Variants in PTPN1 observed in about 807,000 individuals in gnomAD.
PTPN1 encodes the protein tyrosine-protein phosphatase non-receptor type 1.
PTPN1 carries 12 observed loss-of-function variants against 59.9 expected under a neutral mutation model. The ratio of observed to expected loss-of-function variants is 0.20; its 90% CI spans 0.13 to 0.32. The LOEUF is 0.32. Ranked by LOEUF, PTPN1 falls within the 10% of genes least tolerant of loss-of-function variation. PTPN1 has a pLI of 1.00. For synonymous variants in PTPN1, 178 were observed against 203.6 expected (o/e 0.87, Z 1.07); for missense variants, 356 against 549.2 (o/e 0.65, Z 3.52).
Position 50,568,573 on chromosome 20 carries a change from T to G in PTPN1, c.354+95T>G. 1 of 1,022,006 alleles carries G rather than the reference T, an allele frequency of 9.8e-7. No individual in the cohort carries two copies. Among genetic ancestry groups the G allele is most frequent in the Non-Finnish European group, 1.5e-6 (1 of 664,590 alleles). 63.3% of individuals were successfully genotyped at this position (1,022,006 alleles called of 1,614,324 possible). A position where few individuals can be genotyped will look rare whatever the true frequency, so the allele number is the denominator to read the frequency against. On this transcript the variant is annotated intron_variant, in intron 4 of 9. Transcript: ENST00000371621. This position sits in a 1 kb window ranked among gnomAD's most constrained non-coding sequence, Gnocchi z 5.6. ...AGATTTTTAAATTATTTTTCTTGCC[T>G]TTGTATTTCCTTTACGTAGTATTTT...
In PTPN1 at chr20:50,510,555, A is replaced by C; in HGVS notation, c.28A>C (p.Ile10Leu). Reference sequence around the variant, plus strand: ...GGAGATGGAAAAGGAGTTCGAGCAGATCGACAAGTCCGGGAGCTGGGCGGC... The same window carrying C: ...GGAGATGGAAAAGGAGTTCGAGCAGCTCGACAAGTCCGGGAGCTGGGCGGC... MEMEKEFEQ[I>L]DKSGSWAAIY... Residue 10 changes from isoleucine (I) to leucine (L), a missense_variant, in exon 1 of 10, where the codon ATC becomes CTC. Coordinates refer to ENST00000371621, the MANE Select transcript of PTPN1 (RefSeq NM_002827.4). 5.2e-6 allele frequency: 8 copies of C among 1,550,840 alleles called. No individual in the cohort carries two copies. The highest frequency in any genetic ancestry group is 7.0e-6 in the Non-Finnish European group (8 of 1,146,654).
In PTPN1 at chr20:50,568,505, A is replaced by AT; in HGVS notation, c.354+28dup. On this transcript the variant is annotated intron_variant, in intron 4 of 9. Coordinates refer to ENST00000371621, the MANE Select transcript of PTPN1 (RefSeq NM_002827.4). This position sits in a 1 kb window ranked among gnomAD's most constrained non-coding sequence, Gnocchi z 5.6. ...TAAGTCTCGGCTTCATTTGCTGTGT[A>AT]TGTGATCATGCATACCACTCCATAT... The AT allele has an allele frequency of 6.4e-7, 1 of 1,553,876 alleles. No individual in the cohort carries two copies. The highest frequency in any genetic ancestry group is 8.9e-7 in the Non-Finnish European group (1 of 1,125,296).
intron 1 of PTPN1, among the ~76,000 whole-genome samples, chr20:50,539,943 A>G (rs2082642855): frequency 6.6e-6 from 1 of 151,386 alleles, no homozygotes; most frequent in Non-Finnish European, 1.5e-5. Flanking sequence ...CGTCTGGTAC[A>G]TTGCTTGGGT....
At chr20:50,574,417 C>CT (rs2082825990) in intron 4 of PTPN1, 100 bp from the exon 5 acceptor site, 1 of 1,252,860 alleles carries the variant, frequency 8.0e-7, no homozygotes, top group Non-Finnish European at 1.1e-6. Context: ...ACCCCCAGGC[C>CT]TTTGAGTTAT....
chr20:50,521,329 CT>C (rs2082549936), intron 1 of PTPN1, among the ~76,000 whole-genome samples: 1 of 152,232 alleles, frequency 6.6e-6, no homozygotes, highest in African/African-American at 2.4e-5. Context: ...CCACTAATAG[CT>C]AACATTTATT....
chr20:50,561,869 G>T (rs1277444521), intron 2 of PTPN1, among the ~76,000 whole-genome samples: 2 of 152,158 alleles, frequency 1.3e-5, no homozygotes, highest in African/African-American at 2.4e-5. Flanking sequence ...GTCGTCCCCT[G>T]CGCTGAATAT....
chr20:50,533,981 A>G (rs2082612874), intron 1 of PTPN1, among the ~76,000 whole-genome samples: 1 of 152,188 alleles, frequency 6.6e-6, no homozygotes, highest in Admixed American at 6.5e-5. Context: ...CCCAGGCTAA[A>G]GTGCAATGGC....
chr20:50,538,105 T>C (rs1450522598), intron 1 of PTPN1, among the ~76,000 whole-genome samples: 1 of 151,962 alleles, frequency 6.6e-6, no homozygotes, highest in Non-Finnish European at 1.5e-5. Context: ...GGTACATAGG[T>C]GGTCAGTTGA....
In PTPN1 at chr20:50,582,342, G is replaced by A. The variant is rs553316717; in HGVS notation, c.1285-350G>A. On this transcript the variant is annotated intron_variant, in intron 9 of 9. Transcript: ENST00000371621. This position sits in a 1 kb window ranked among gnomAD's most constrained non-coding sequence, Gnocchi z 4.2. ...CCTCATTGGGAGAAGTGCCATTTCA[G>A]CAGAAATTCACACGTTAGACGTGTG... is the stretch of plus-strand genomic sequence containing the variant. 2.9e-4 allele frequency among the ~76,000 whole-genome samples: 44 copies of A among 152,384 alleles called. No homozygotes were observed. The highest frequency in any genetic ancestry group is 9.9e-4 in the African/African-American group (41 of 41,598).
chr20:50,529,429 T>C (rs976941745), intron 1 of PTPN1, among the ~76,000 whole-genome samples: 2 of 152,168 alleles, frequency 1.3e-5, no homozygotes, highest in South Asian at 2.1e-4. Flanking sequence ...TGGATGACAA[T>C]GGGAGGAGCA....
chr20:50,543,791 A>G (rs1246547390), intron 1 of PTPN1, among the ~76,000 whole-genome samples: 1 of 152,248 alleles, frequency 6.6e-6, no homozygotes, highest in Non-Finnish European at 1.5e-5. Context: ...AGAAGCAATA[A>G]AGGAAATTGC....
chr20:50,532,403 A>G (rs1159304313), intron 1 of PTPN1, among the ~76,000 whole-genome samples: 11 of 152,192 alleles, frequency 7.2e-5, no homozygotes, highest in African/African-American at 2.7e-4. Flanking sequence ...TTTGGCTGAC[A>G]TAGAGTCAAA....
At chr20:50,533,449 C>T (rs1165168643) in intron 1 of PTPN1, among the ~76,000 whole-genome samples, 1 of 151,964 alleles carries the variant, frequency 6.6e-6, no homozygotes, top group Non-Finnish European at 1.5e-5. Flanking sequence ...CCCCTGCCCC[C>T]CGCCCCCAGC....
intron 1 of PTPN1, among the ~76,000 whole-genome samples, chr20:50,513,777 A>G (rs980219569): frequency 1.4e-4 from 21 of 152,262 alleles, no homozygotes; most frequent in African/African-American, 5.1e-4. Context: ...GTTATATTCC[A>G]AAAAGATGAA....
At chr20:50,549,906 G>C (rs975837326) in intron 1 of PTPN1, among the ~76,000 whole-genome samples, 1 of 151,914 alleles carries the variant, frequency 6.6e-6, no homozygotes, top group Non-Finnish European at 1.5e-5. Context: ...CATTGCTTTT[G>C]ACCTGGAAGA....
Position 50,579,148 on chromosome 20 carries a change from A to G in PTPN1, c.703-20A>G. On this transcript the variant is annotated intron_variant, in intron 6 of 9. Coordinates refer to ENST00000371621, the MANE Select transcript of PTPN1 (RefSeq NM_002827.4). Reference sequence around the variant, plus strand: ...TGAGAATTGGACCTGGCTGACTTATATCTCCTCTCTGGCTTTCAGATGGAC... The same window carrying G: ...TGAGAATTGGACCTGGCTGACTTATGTCTCCTCTCTGGCTTTCAGATGGAC... The G allele has an allele frequency of 1.2e-6, 2 of 1,613,472 alleles. No individual in the cohort carries two copies. The highest frequency in any genetic ancestry group is 1.7e-6 in the Non-Finnish European group (2 of 1,179,450).
rs751208927 is a variant in PTPN1, at chr20:50,582,644, C to T, written c.1285-48C>T. 6.2e-7 allele frequency: 1 copy of T among 1,607,834 alleles called. No homozygotes were observed. Among genetic ancestry groups the T allele is most frequent in the South Asian group, 1.1e-5 (1 of 89,942 alleles). ...CGGGGTCATGCATGAGGCGACAGCT[C>T]TGCAGGTGCGGGTCTGGGCTCATCT... is the stretch of plus-strand genomic sequence containing the variant. On this transcript the variant is annotated intron_variant, in intron 9 of 9. Coordinates refer to ENST00000371621, the MANE Select transcript of PTPN1 (RefSeq NM_002827.4). The surrounding 1 kb of genome is among the most constrained non-coding windows in gnomAD (Gnocchi z 4.2).
intron 1 of PTPN1, among the ~76,000 whole-genome samples, chr20:50,550,618 T>C (rs2122763524): frequency 6.6e-6 from 1 of 152,358 alleles, no homozygotes; most frequent in East Asian, 1.9e-4. Flanking sequence ...TTCTGTTCTA[T>C]AAAGAATGTT....
intron 1 of PTPN1, among the ~76,000 whole-genome samples, chr20:50,553,369 C>T (rs1270219498): frequency 6.6e-6 from 1 of 152,136 alleles, no homozygotes; most frequent in Admixed American, 6.5e-5. Flanking sequence ...ATTTGCAGAG[C>T]AGGGTACTAA....
Sources: gnomAD v4.1 joint callset for allele counts (sites outside exome capture counted in the v4.1 genomes callset) on GRCh38, gnomAD v4.1.1 for gene constraint, Gnocchi (gnomAD v3.1) non-coding constraint, MANE v1.5 for transcripts, NCBI Gene and HGNC (gene_info 2026-07-23, HGNC 2026-07-21) for gene names.